Variants in EPB41L4A observed in about 807,000 individuals in gnomAD.
EPB41L4A encodes band 4.1-like protein 4A.
EPB41L4A carries 100 observed loss-of-function variants against 108.6 expected under a neutral mutation model. That is an observed-to-expected ratio of 0.92 (90% CI 0.78 to 1.09). EPB41L4A has a LOEUF of 1.09. EPB41L4A is among the 50% of genes least tolerant of loss of function. The pLI, the probability that EPB41L4A is intolerant of heterozygous loss-of-function variation, is 0.00. For synonymous variants in EPB41L4A, 319 were observed against 289.0 expected (o/e 1.10, Z -1.05); for missense variants, 1,030 against 842.7 (o/e 1.22, Z -2.75).
chr5:112,325,436 G>A (rs1328839109), intron 1 of EPB41L4A, among the ~76,000 whole-genome samples: 5 of 139,846 alleles, frequency 3.6e-5, no homozygotes, highest in South Asian at 2.2e-4. Flanking sequence ...GCGAGACTCC[G>A]TCTCATAAAA....
intron 18 of EPB41L4A, among the ~76,000 whole-genome samples, chr5:112,172,936 T>A (rs866673477): frequency 6.6e-6 from 1 of 152,302 alleles, no homozygotes; most frequent in Non-Finnish European, 1.5e-5. Context: ...GTCCTGTGCA[T>A]TGTAGCATGA....
At position 112,236,921 on chromosome 5, in the gene EPB41L4A, C is replaced by T. The variant is rs146004208; in HGVS notation, c.966-2166G>A. 1.2e-3 allele frequency among the ~76,000 whole-genome samples: 183 copies of T among 152,308 alleles called. 1 individual carries two copies. The highest frequency in any genetic ancestry group is 1.8e-3 in the Non-Finnish European group (122 of 68,030). ...GCTGCACATGTGAAAGCAACTGACA[C>T]AAAGGAGGTTCTTAGGAGAACTTGG... On this transcript the variant is annotated intron_variant, in intron 11 of 22. Transcript: ENST00000261486.
chr5:112,361,635 A>AAT, intron 1 of EPB41L4A, among the ~76,000 whole-genome samples: 1 of 151,424 alleles, frequency 6.6e-6, no homozygotes, highest in South Asian at 2.1e-4. Flanking sequence ...TTTGATCTTT[A>AAT]ATTCTGTTAT....
intron 1 of EPB41L4A, among the ~76,000 whole-genome samples, chr5:112,391,532 A>C (rs925546031): frequency 1.3e-5 from 2 of 151,278 alleles, no homozygotes; most frequent in African/African-American, 4.9e-5. Context: ...GTGTAGAGAA[A>C]AAAGAGTAAA....
At position 112,281,894 on chromosome 5, in the gene EPB41L4A, A is replaced by G. The variant is rs116387025; in HGVS notation, c.205-1571T>C. ...TTTATAACTATACTAAACTCTATTCATGCATATATAAGCTTCATTATTTGT... is the reference window on the plus strand; with the variant it reads ...TTTATAACTATACTAAACTCTATTCGTGCATATATAAGCTTCATTATTTGT... On this transcript the variant is annotated intron_variant, in intron 2 of 22. Coordinates refer to ENST00000261486, the MANE Select transcript of EPB41L4A (RefSeq NM_022140.5). 5.8e-3 allele frequency among the ~76,000 whole-genome samples: 876 copies of G among 152,296 alleles called. 2 individuals carry two copies. Among genetic ancestry groups the G allele is most frequent in the Middle Eastern group, 0.014 (4 of 294 alleles).
At position 112,275,411 on chromosome 5, in the gene EPB41L4A, T is replaced by A; in HGVS notation, c.257-7A>T. ...AAAGTATATGGAGGTCCAGCTAAAA[T>A]AAGAAATAGAAATTAAATTTCACTA... On this transcript the variant is annotated splice_region_variant and splice_polypyrimidine_tract_variant and intron_variant, in intron 3 of 22. Transcript: ENST00000261486. 4 of 1,529,698 alleles carry A rather than the reference T, an allele frequency of 2.6e-6. No homozygotes were observed. Among genetic ancestry groups the A allele is most frequent in the Non-Finnish European group, 2.6e-6 (3 of 1,133,126 alleles). The allele number at this position is 1,529,698 out of a possible 1,614,324, so 94.8% of individuals were successfully genotyped here.
rs115068543 is a variant in EPB41L4A, at chr5:112,357,581, G to C, written c.100-50091C>G. 3.2e-3 allele frequency among the ~76,000 whole-genome samples: 492 copies of C among 152,272 alleles called. 2 individuals carry two copies. Among genetic ancestry groups the C allele is most frequent in the African/African-American group, 0.011 (468 of 41,550 alleles). On this transcript the variant is annotated intron_variant, in intron 1 of 22. Transcript: ENST00000261486. ...TAATGTCTGGTACCAAGCAAAAGTG[G>C]ACTTCTACAGCATGACATCTCCAAT...
rs574044810 is a variant in EPB41L4A, at chr5:112,389,236, AT to A, written c.99+29704del. ...TTAGATCTGTATTGGCATTTTAAAT[AT>A]TTTTTAATGTATTAAGGATTTTATA... On this transcript the variant is annotated intron_variant, in intron 1 of 22. Transcript: ENST00000261486. Among the ~76,000 whole-genome samples the A allele has an allele frequency of 3.1e-3, 472 of 152,312 alleles. 3 individuals are homozygous for A. The highest frequency in any genetic ancestry group is 0.011 in the African/African-American group (455 of 41,560).
At chr5:112,274,879 T>C (rs762242076) in intron 4 of EPB41L4A, among the ~76,000 whole-genome samples, 12 of 152,334 alleles carry the variant, frequency 7.9e-5, no homozygotes, top group Non-Finnish European at 7.3e-5. Context: ...AATTATCTTC[T>C]CATTTCCTAT....
chr5:112,219,924 G>C (rs912460340), intron 12 of EPB41L4A, among the ~76,000 whole-genome samples: 3 of 152,164 alleles, frequency 2.0e-5, no homozygotes, highest in African/African-American at 7.2e-5. Flanking sequence ...TTGAACTCCT[G>C]ACCTCAAGTG....
intron 12 of EPB41L4A, among the ~76,000 whole-genome samples, chr5:112,151,022 TG>T (rs1180068069): frequency 2.0e-5 from 3 of 152,192 alleles, no homozygotes; most frequent in Admixed American, 1.3e-4. Flanking sequence ...TCATTATGTC[TG>T]GGGAGGGATC....
At position 112,259,942 on chromosome 5, in the gene EPB41L4A, G is replaced by C; in HGVS notation, c.680C>G (p.Pro227Arg). Reference sequence around the variant, plus strand: ...ATTCTTGTACACAACAACACCAACCGGAGTTAATCCTAAGAAATACTCAGA... The same window carrying C: ...ATTCTTGTACACAACAACACCAACCCGAGTTAATCCTAAGAAATACTCAGA... ...NKSEYFLGLT[P>R]VGVVVYKNKK... is the part of the protein sequence containing the mutation. Residue 227 changes from proline (P) to arginine (R), a missense_variant, in exon 8 of 23, where the codon CCG becomes CGG. Pro to Arg is a moderately radical substitution (Grantham distance 103). Coordinates refer to ENST00000261486, the MANE Select transcript of EPB41L4A (RefSeq NM_022140.5). The C allele has an allele frequency of 6.2e-7, 1 of 1,613,860 alleles. No homozygotes were observed. The highest frequency in any genetic ancestry group is 8.5e-7 in the Non-Finnish European group (1 of 1,179,912).
chr5:112,419,557 C>G (rs571906853), upstream of EPB41L4A: 3 of 438,282 alleles, frequency 6.8e-6, no homozygotes, highest in East Asian at 7.1e-5. Flanking sequence ...GCACTTCCAG[C>G]CGCGACCCCG....
intron 1 of EPB41L4A, among the ~76,000 whole-genome samples, chr5:112,387,718 C>G (rs1288541281): frequency 6.6e-6 from 1 of 152,190 alleles, no homozygotes; most frequent in African/African-American, 2.4e-5. Flanking sequence ...ACAAGACCTC[C>G]AAAGTGCAGA....
At chr5:112,331,944 G>C (rs1756597957) in intron 1 of EPB41L4A, among the ~76,000 whole-genome samples, 1 of 152,214 alleles carries the variant, frequency 6.6e-6, no homozygotes. Flanking sequence ...TGACTCCCAA[G>C]AACAGCCAGG....
At chr5:112,359,756 G>A (rs1294652068) in intron 1 of EPB41L4A, among the ~76,000 whole-genome samples, 1 of 152,104 alleles carries the variant, frequency 6.6e-6, no homozygotes, top group Non-Finnish European at 1.5e-5. Flanking sequence ...TAGCCAGGAT[G>A]GTCTCCATCT....
intron 15 of EPB41L4A, among the ~76,000 whole-genome samples, 169 bp downstream of exon 15, chr5:112,204,206 C>T (rs537502740): frequency 6.6e-5 from 10 of 152,118 alleles, no homozygotes; most frequent in African/African-American, 2.2e-4. Flanking sequence ...TGGCTGTTTA[C>T]GATAAATACT....
intron 12 of EPB41L4A, among the ~76,000 whole-genome samples, chr5:112,210,350 T>G (rs932613440): frequency 6.6e-6 from 1 of 152,152 alleles, no homozygotes; most frequent in Non-Finnish European, 1.5e-5. Flanking sequence ...TGACTACTTG[T>G]GAAGAAGTTT....
intron 1 of EPB41L4A, among the ~76,000 whole-genome samples, chr5:112,357,537 G>A (rs1259774903): frequency 6.6e-6 from 1 of 152,156 alleles, no homozygotes; most frequent in Non-Finnish European, 1.5e-5. Flanking sequence ...ACTTGGGCCC[G>A]GTTTAGAGAA....
Sources: gnomAD v4.1 joint callset for allele counts (sites outside exome capture counted in the v4.1 genomes callset) on GRCh38, gnomAD v4.1.1 for gene constraint, MANE v1.5 for transcripts, NCBI Gene and HGNC (gene_info 2026-07-23, HGNC 2026-07-21) for gene names.